ITPRID1: variants seen among roughly 807,000 people sequenced by gnomAD.
ITPRID1 encodes ITPR interacting domain containing 1, also known as protein ITPRID1.
ITPRID1 carries 96 observed loss-of-function variants against 95.4 expected under a neutral mutation model. The observed-to-expected ratio is 1.01, with a 90% CI of 0.85 to 1.19. The LOEUF is 1.19. Ranked by LOEUF, ITPRID1 falls within the 50% of genes most tolerant of loss-of-function variation. The pLI is 0.00. For synonymous variants in ITPRID1, 510 were observed against 453.6 expected (o/e 1.12, Z -1.58); for missense variants, 1,339 against 1,252.9 (o/e 1.07, Z -1.04).
chr7:31,621,044 G>T (rs1226004546), intron 10 of ITPRID1, among the ~76,000 whole-genome samples: 1 of 151,676 alleles, frequency 6.6e-6, no homozygotes, highest in African/African-American at 2.4e-5. Flanking sequence ...AAGCAAGAAG[G>T]GAAGTTTAGA....
At chr7:31,602,338 TA>T (rs1786430255) in intron 10 of ITPRID1, among the ~76,000 whole-genome samples, 1 of 152,226 alleles carries the variant, frequency 6.6e-6, no homozygotes, top group African/African-American at 2.4e-5. Context: ...AAATTCACTC[TA>T]CAGTAGCACT....
intron 1 of ITPRID1, among the ~76,000 whole-genome samples, chr7:31,515,346 T>C (rs954114204): frequency 2.7e-5 from 4 of 150,462 alleles, no homozygotes; most frequent in African/African-American, 7.3e-5. Flanking sequence ...AATGGACTAG[T>C]ATGTAGCCAC....
chr7:31,587,961 C>T (rs1422042007), intron 10 of ITPRID1, among the ~76,000 whole-genome samples: 1 of 152,144 alleles, frequency 6.6e-6, no homozygotes, highest in African/African-American at 2.4e-5. Context: ...AACTGGATCC[C>T]TTCCTTACAC....
chr7:31,552,048 C>A, intron 2 of ITPRID1: 1 of 334,480 alleles, frequency 3.0e-6, no homozygotes, highest in South Asian at 2.3e-5. Flanking sequence ...AAGAGAATGG[C>A]CCTTGTTCTC....
At chr7:31,560,121 G>A (rs1037484988) in intron 5 of ITPRID1, among the ~76,000 whole-genome samples, 1 of 152,186 alleles carries the variant, frequency 6.6e-6, no homozygotes, top group Non-Finnish European at 1.5e-5. Context: ...AAGTGAAGGA[G>A]GGGAACATTT....
chr7:31,546,899 G>A (rs553790881), intron 1 of ITPRID1, among the ~76,000 whole-genome samples: 1 of 152,158 alleles, frequency 6.6e-6, no homozygotes, highest in African/African-American at 2.4e-5. Context: ...AAAGGGGTTA[G>A]GATTGAGGTA....
At chr7:31,598,631 C>T in intron 10 of ITPRID1, among the ~76,000 whole-genome samples, 1 of 151,972 alleles carries the variant, frequency 6.6e-6, no homozygotes, top group East Asian at 1.9e-4. Context: ...TCTCTATCTC[C>T]TGACCTCGTG....
At chr7:31,529,143 T>C (rs1056167921) in intron 1 of ITPRID1, among the ~76,000 whole-genome samples, 3 of 152,174 alleles carry the variant, frequency 2.0e-5, no homozygotes, top group African/African-American at 7.2e-5. Flanking sequence ...TTGGACTTCT[T>C]CTTTATGGGT....
intron 10 of ITPRID1, among the ~76,000 whole-genome samples, chr7:31,625,991 A>G (rs1353408062): frequency 1.3e-5 from 2 of 152,210 alleles, no homozygotes; most frequent in Admixed American, 6.5e-5. Flanking sequence ...AAACTTTGCT[A>G]TGACTTTTAA....
intron 1 of ITPRID1, among the ~76,000 whole-genome samples, chr7:31,534,806 A>G (rs1783708519): frequency 6.6e-6 from 1 of 151,406 alleles, no homozygotes; most frequent in Non-Finnish European, 1.5e-5. Flanking sequence ...TTTGTTTTCT[A>G]TTTGTCCATC....
chr7:31,558,489 G>T (rs569069336), intron 5 of ITPRID1, among the ~76,000 whole-genome samples: 1 of 151,982 alleles, frequency 6.6e-6, no homozygotes, highest in African/African-American at 2.4e-5. Context: ...TTTTTTTTAT[G>T]TCAGTAAAGT....
rs924301643 is a variant in ITPRID1, at chr7:31,655,732, C to T, written c.*2903C>T. On this transcript the variant is annotated 3_prime_UTR_variant, in exon 15 of 15. Coordinates refer to ENST00000615280, the MANE Select transcript of ITPRID1 (RefSeq NM_001257967.3). ...GACTCCTGATGCATTGCATTTGTGC[C>T]TCCAAATCGTTTCCCTTGCTAAACT... The T allele has an allele frequency of 7.1e-6, 7 of 985,652 alleles. No homozygotes were observed. Among genetic ancestry groups the T allele is most frequent in the Non-Finnish European group, 1.2e-6 (1 of 830,000 alleles). 61.1% of individuals were successfully genotyped at this position (985,652 alleles called of 1,614,324 possible).
intron 10 of ITPRID1, among the ~76,000 whole-genome samples, chr7:31,618,197 G>A (rs1237918147): frequency 3.9e-5 from 6 of 152,244 alleles, no homozygotes; most frequent in African/African-American, 1.2e-4. Flanking sequence ...CTTAAGATCA[G>A]CCTTTTCACT....
At chr7:31,562,096 G>A (rs1285630442) in intron 5 of ITPRID1, among the ~76,000 whole-genome samples, 5 of 41,820 alleles carry the variant, frequency 1.2e-4, no homozygotes, top group Admixed American at 7.4e-4. Flanking sequence ...CTGGTTCATA[G>A]CAAACTCTTT....
At chr7:31,584,570 T>C (rs1785519442) in intron 10 of ITPRID1, among the ~76,000 whole-genome samples, 1 of 152,200 alleles carries the variant, frequency 6.6e-6, no homozygotes, top group Non-Finnish European at 1.5e-5. Flanking sequence ...CAAAAATTAC[T>C]AATCTACATT....
At chr7:31,642,387 A>G (rs146601573) in intron 11 of ITPRID1, 129 bp downstream of exon 11, 65 of 709,256 alleles carry the variant, frequency 9.2e-5, no homozygotes, top group East Asian at 8.2e-4. Context: ...TCAAGCCACA[A>G]TTGGAAAGGT....
At chr7:31,617,085 T>C (rs961955875) in intron 10 of ITPRID1, among the ~76,000 whole-genome samples, 7 of 152,214 alleles carry the variant, frequency 4.6e-5, no homozygotes, top group Non-Finnish European at 7.3e-5. Flanking sequence ...ACCCCAAAGA[T>C]GGTTGCACTT....
intron 1 of ITPRID1, among the ~76,000 whole-genome samples, chr7:31,518,662 C>T (rs988161302): frequency 6.6e-6 from 1 of 152,156 alleles, no homozygotes; most frequent in African/African-American, 2.4e-5. Flanking sequence ...CTCACTTTAT[C>T]GCACGGGTAT....
chr7:31,590,203 G>C (rs1368250202), intron 10 of ITPRID1, among the ~76,000 whole-genome samples: 1 of 151,838 alleles, frequency 6.6e-6, no homozygotes, highest in East Asian at 1.9e-4. Context: ...CAAGTATCTG[G>C]GATCACAGGC....
Sources: gnomAD v4.1 joint callset for allele counts (sites outside exome capture counted in the v4.1 genomes callset) on GRCh38, gnomAD v4.1.1 for gene constraint, MANE v1.5 for transcripts, NCBI Gene and HGNC (gene_info 2026-07-23, HGNC 2026-07-21) for gene names.